The following CLSTN2 variants were observed in gnomAD, a reference collection of about 807,000 sequenced individuals.
CLSTN2 encodes calsyntenin 2.
A neutral mutation model predicts 101.2 loss-of-function variants in CLSTN2; 48 were observed. The observed-to-expected ratio is 0.47, with a 90% CI of 0.38 to 0.60. CLSTN2 has a LOEUF of 0.60. CLSTN2 is among the 20% of genes least tolerant of loss of function. The pLI is 0.00. For missense variants in CLSTN2, 1,160 were observed against 1,238.2 expected, an observed-to-expected ratio of 0.94 and a Z score of 0.95; for synonymous variants, 481 against 463.6, an observed-to-expected ratio of 1.04 and a Z score of -0.48.
At chr3:140,135,650 T>C (rs1185880533) in intron 1 of CLSTN2, among the ~76,000 whole-genome samples, 2 of 152,148 alleles carry the variant, frequency 1.3e-5, no homozygotes, top group Non-Finnish European at 1.5e-5. Context: ...GGATCTATAG[T>C]GGAGCACACA....
At chr3:140,226,152 T>C (rs1392744201) in intron 2 of CLSTN2, among the ~76,000 whole-genome samples, 1 of 152,186 alleles carries the variant, frequency 6.6e-6, no homozygotes, top group Admixed American at 6.5e-5. Flanking sequence ...TGATTCCATT[T>C]ATATAACATT....
At chr3:140,336,492 C>G (rs2087440742) in intron 2 of CLSTN2, among the ~76,000 whole-genome samples, 1 of 152,176 alleles carries the variant, frequency 6.6e-6, no homozygotes, top group Non-Finnish European at 1.5e-5. Flanking sequence ...CCTGGTTTTT[C>G]AGGTTCAGAG....
At chr3:139,961,960 A>G (rs960771427) in intron 1 of CLSTN2, among the ~76,000 whole-genome samples, 11 of 152,086 alleles carry the variant, frequency 7.2e-5, no homozygotes, top group Non-Finnish European at 1.3e-4. Flanking sequence ...CCAGGTTATT[A>G]AAAACTCCTC....
intron 1 of CLSTN2, among the ~76,000 whole-genome samples, chr3:140,049,126 G>T (rs1174062217): frequency 2.0e-5 from 3 of 152,124 alleles, no homozygotes; most frequent in Non-Finnish European, 1.5e-5. Context: ...TCTATCTAAG[G>T]CACAGACGGC....
chr3:140,422,110 C>T (rs2088512888), intron 5 of CLSTN2, among the ~76,000 whole-genome samples: 1 of 152,122 alleles, frequency 6.6e-6, no homozygotes, highest in South Asian at 2.1e-4. Flanking sequence ...TAAACTGCTT[C>T]ATTTCTGTGT....
At chr3:140,128,805 A>G (rs572206285) in intron 1 of CLSTN2, among the ~76,000 whole-genome samples, 5 of 152,306 alleles carry the variant, frequency 3.3e-5, no homozygotes, top group South Asian at 2.1e-4. Flanking sequence ...TGTGGCCTCC[A>G]GGGCACAGAA....
chr3:139,959,125 C>T (rs1336724774), intron 1 of CLSTN2, among the ~76,000 whole-genome samples: 1 of 152,082 alleles, frequency 6.6e-6, no homozygotes, highest in Non-Finnish European at 1.5e-5. Flanking sequence ...TCTTCTGTAG[C>T]TCTAGCTTCT....
At chr3:140,196,320 AG>A (rs1420027076) in intron 2 of CLSTN2, among the ~76,000 whole-genome samples, 2 of 152,228 alleles carry the variant, frequency 1.3e-5, no homozygotes, top group African/African-American at 2.4e-5. Context: ...ACGAAAGTCC[AG>A]GAAGGAAACA....
intron 2 of CLSTN2, among the ~76,000 whole-genome samples, chr3:140,376,473 T>C (rs1037738879): frequency 6.6e-6 from 1 of 152,220 alleles, no homozygotes; most frequent in Non-Finnish European, 1.5e-5. Flanking sequence ...TCCCCTCCTT[T>C]CTGCATTTTT....
intron 1 of CLSTN2, among the ~76,000 whole-genome samples, chr3:139,970,845 A>G (rs116376963): frequency 3.3e-4 from 51 of 152,286 alleles, no homozygotes; most frequent in Middle Eastern, 3.4e-3. Context: ...TAGTTCTTAT[A>G]TGTAATGATG....
intron 8 of CLSTN2, among the ~76,000 whole-genome samples, chr3:140,516,224 CTTATGTG>C (rs1297215919): frequency 6.6e-6 from 1 of 151,884 alleles, no homozygotes; most frequent in Admixed American, 6.6e-5. Flanking sequence ...ATGCTAAGTC[CTTATGTG>C]TTATGTGAGT....
chr3:140,104,322 G>A (rs2009017237), intron 1 of CLSTN2, among the ~76,000 whole-genome samples: 1 of 152,202 alleles, frequency 6.6e-6, no homozygotes, highest in Admixed American at 6.5e-5. Flanking sequence ...ACACTTGGAA[G>A]ATCATTGTTC....
At position 140,385,433 on chromosome 3, in the gene CLSTN2, A is replaced by G. The variant is rs370568087; in HGVS notation, c.233-18196A>G. On this transcript the variant is annotated intron_variant, in intron 2 of 16. Transcript: ENST00000458420. ...GCCCAGGCTGGAGTGCAGTGGTGCG[A>G]TCTCGACTCGCTGTAAACTCCTCCT... is the stretch of plus-strand genomic sequence containing the variant. Among the ~76,000 whole-genome samples, 13 of 132,100 alleles carry G rather than the reference A, an allele frequency of 9.8e-5. No homozygotes were observed. In the East Asian group the frequency reaches 2.9e-3, roughly 29 times the overall value. 86.7% of individuals were successfully genotyped at this position (132,100 alleles called of 152,430 possible).
intron 1 of CLSTN2, among the ~76,000 whole-genome samples, chr3:139,956,572 A>T (rs184811266): frequency 5.9e-5 from 9 of 152,334 alleles, no homozygotes; most frequent in Admixed American, 5.9e-4. Context: ...GGTCTACTAA[A>T]GGGATGTTCT....
At chr3:140,272,935 A>G (rs889650033) in intron 2 of CLSTN2, among the ~76,000 whole-genome samples, 3 of 151,910 alleles carry the variant, frequency 2.0e-5, no homozygotes, top group African/African-American at 7.3e-5. Flanking sequence ...TCTTGCAGTG[A>G]TTATTATTTT....
At chr3:140,437,399 TG>T (rs1316611024) in intron 5 of CLSTN2, among the ~76,000 whole-genome samples, 4 of 152,212 alleles carry the variant, frequency 2.6e-5, no homozygotes, top group African/African-American at 9.6e-5. Flanking sequence ...CCACCCTTGG[TG>T]AGCTTCTAGG....
At chr3:139,947,087 T>C (rs1178508251) in intron 1 of CLSTN2, among the ~76,000 whole-genome samples, 1 of 152,210 alleles carries the variant, frequency 6.6e-6, no homozygotes, top group Non-Finnish European at 1.5e-5. Context: ...CAGTCTTCTT[T>C]GAAATGGAGT....
At chr3:140,028,190 C>A (rs2007460939) in intron 1 of CLSTN2, among the ~76,000 whole-genome samples, 1 of 152,124 alleles carries the variant, frequency 6.6e-6, no homozygotes, top group Non-Finnish European at 1.5e-5. Context: ...ATAGCAGCAA[C>A]CTGGAGGGAA....
intron 5 of CLSTN2, among the ~76,000 whole-genome samples, chr3:140,429,740 G>C (rs891855249): frequency 3.9e-5 from 6 of 152,188 alleles, no homozygotes; most frequent in Non-Finnish European, 2.9e-5. Context: ...CTTTCAAGTA[G>C]AGCACTCCCC....
Sources: gnomAD v4.1 joint callset for allele counts (sites outside exome capture counted in the v4.1 genomes callset) on GRCh38, gnomAD v4.1.1 for gene constraint, MANE v1.5 for transcripts, NCBI Gene and HGNC (gene_info 2026-07-23, HGNC 2026-07-21) for gene names.